Variants in WTIP observed in about 807,000 individuals in gnomAD.
WTIP encodes Wilms tumor protein 1-interacting protein.
WTIP carries 23 observed loss-of-function variants against 41.7 expected under a neutral mutation model. The ratio of observed to expected loss-of-function variants is 0.55; its 90% CI spans 0.40 to 0.78. The LOEUF is 0.78. Ranked by LOEUF, WTIP falls within the 30% of genes least tolerant of loss-of-function variation. WTIP has a pLI of 0.00. For synonymous variants in WTIP, 314 were observed against 269.9 expected (o/e 1.16, Z -1.60); for missense variants, 619 against 610.5 (o/e 1.01, Z -0.15).
chr19:34,500,101 T>G (rs2145611394), intron 7 of WTIP, 28 bp from the exon 8 acceptor site: 1 of 1,596,504 alleles, frequency 6.3e-7, no homozygotes, highest in Non-Finnish European at 8.5e-7. Context: ...CTGCTGACTC[T>G]GGGGCTGGGG....
rs1344371279 is a variant in WTIP, at chr19:34,511,853, T to G, written c.*11584T>G. On this transcript the variant is annotated 3_prime_UTR_variant, in exon 8 of 8. Transcript: ENST00000590071. The stretch of plus-strand genomic sequence containing the variant: ...AGTTTACTAGTTTGGGATTGAATAT[T>G]CTTACACATTTATTTGGTGAAGAAC... 6.6e-6 allele frequency: 1 copy of G among 152,236 alleles called. No homozygotes were observed. The highest frequency in any genetic ancestry group is 1.5e-5 in the Non-Finnish European group (1 of 68,038). 9.4% of individuals were successfully genotyped at this position (152,236 alleles called of 1,614,324 possible).
rs1036364255 is a variant in WTIP, at chr19:34,511,453, T to A, written c.*11184T>A. Reference sequence around the variant, plus strand: ...GGTGGGGACACAGAGCCAAACCGTATCAGACCCCGTCTCTACAAAAACAAA... The same window carrying A: ...GGTGGGGACACAGAGCCAAACCGTAACAGACCCCGTCTCTACAAAAACAAA... On this transcript the variant is annotated 3_prime_UTR_variant, in exon 8 of 8. Coordinates refer to ENST00000590071, the MANE Select transcript of WTIP (RefSeq NM_001080436.2). 4 of 151,692 alleles carry A rather than the reference T, an allele frequency of 2.6e-5. No individual in the cohort carries two copies. The highest frequency in any genetic ancestry group is 9.7e-5 in the African/African-American group (4 of 41,094). 9.4% of individuals were successfully genotyped at this position (151,692 alleles called of 1,614,324 possible). A position where few individuals can be genotyped will look rare whatever the true frequency, so the allele number is the denominator to read the frequency against.
chr19:34,505,784 G>A lies in WTIP; in HGVS notation c.*5515G>A, dbSNP rs1188044812. ...GCCATCCCTGATAGTGATCAGCCCT[G>A]CTGAGGAAGGGTTAGGGTGGGCTGC... On this transcript the variant is annotated 3_prime_UTR_variant, in exon 8 of 8. Transcript: ENST00000590071. 1.3e-5 allele frequency: 2 copies of A among 152,472 alleles called. No individual in the cohort carries two copies. Among genetic ancestry groups the A allele is most frequent in the Non-Finnish European group, 2.9e-5 (2 of 68,242 alleles). 9.4% of individuals were successfully genotyped at this position (152,472 alleles called of 1,614,324 possible). A position where few individuals can be genotyped will look rare whatever the true frequency, so the allele number is the denominator to read the frequency against.
rs914421516 is a variant in WTIP, at chr19:34,481,970, G to C, written c.-5G>C. 3.0e-6 allele frequency: 3 copies of C among 1,004,086 alleles called. No homozygotes were observed. The highest frequency in any genetic ancestry group is 9.0e-5 in the South Asian group (2 of 22,318). The allele number at this position is 1,004,086 out of a possible 1,614,324, so 62.2% of individuals were successfully genotyped here. A position where few individuals can be genotyped will look rare whatever the true frequency, so the allele number is the denominator to read the frequency against. ...GGTGACGCGCCAGGGCCGGCGGGCC[G>C]GGCCATGCAGCGCTCCAGGGCGGGC... On this transcript the variant is annotated 5_prime_UTR_variant, in exon 1 of 8. Coordinates refer to ENST00000590071, the MANE Select transcript of WTIP (RefSeq NM_001080436.2).
At chr19:34,495,831 C>T (rs2075850230) in intron 7 of WTIP, 60 bp downstream of exon 7, 5 of 1,556,416 alleles carry the variant, frequency 3.2e-6, no homozygotes, top group South Asian at 2.2e-5. Context: ...CAGGGCTCTC[C>T]TCTCTGGGTG....
intron 1 of WTIP, among the ~76,000 whole-genome samples, chr19:34,488,619 G>A (rs1172636227): frequency 6.6e-6 from 1 of 151,958 alleles, no homozygotes; most frequent in Non-Finnish European, 1.5e-5. Context: ...CTCCCACTTC[G>A]GCCTCCCAAA....
At chr19:34,484,238 TGAG>T (rs1263143396) in intron 1 of WTIP, among the ~76,000 whole-genome samples, 2 of 152,036 alleles carry the variant, frequency 1.3e-5, no homozygotes, top group Non-Finnish European at 2.9e-5. Context: ...AACTGGATCT[TGAG>T]GGGTGAGGAG....
Position 34,493,531 on chromosome 19 carries a change from T to C in WTIP, c.940T>C (p.Phe314Leu), listed in dbSNP as rs756456560. 20 of 1,613,590 alleles carry C rather than the reference T, an allele frequency of 1.2e-5. No individual in the cohort carries two copies. The highest frequency in any genetic ancestry group is 1.6e-5 in the Non-Finnish European group (19 of 1,179,880). ...ALGKSYHPGCFRCSVCNECLD... is the reference protein window; with the variant it reads ...ALGKSYHPGCLRCSVCNECLD... ...GGGCAAGTCCTACCACCCAGGCTGCTTCCGGTGCTCCGTGTGCAATGAGTG... is the reference window on the plus strand; with the variant it reads ...GGGCAAGTCCTACCACCCAGGCTGCCTCCGGTGCTCCGTGTGCAATGAGTG... The change falls in exon 5 of 8, where the codon TTC (phenylalanine) becomes CTC (leucine). Residue 314 changes from phenylalanine to leucine, a missense_variant. By Grantham distance (22) the Phe-to-Leu change is conservative. This residue lies in a region of WTIP where 164 missense variants were observed against 219.1 expected (regional missense o/e 0.75). Transcript: ENST00000590071. This position sits in a 1 kb window ranked among gnomAD's most constrained non-coding sequence, Gnocchi z 4.1.
Position 34,500,294 on chromosome 19 carries a change from C to T in WTIP, c.*25C>T, listed in dbSNP as rs760920883. ...AGCAGGGGAAAACCCGTCCCTGGGC[C>T]GGGGTGGGTGTGGGTGTGGAGGGAG... On this transcript the variant is annotated 3_prime_UTR_variant, in exon 8 of 8. Transcript: ENST00000590071. 5 of 1,549,240 alleles carry T rather than the reference C, an allele frequency of 3.2e-6. No individual in the cohort carries two copies. The highest frequency in any genetic ancestry group is 4.4e-6 in the Non-Finnish European group (5 of 1,147,782).
chr19:34,490,321 G>T, intron 1 of WTIP, 55 bp from the exon 2 acceptor site: 1 of 1,551,692 alleles, frequency 6.4e-7, no homozygotes, highest in Non-Finnish European at 8.9e-7. Flanking sequence ...GAGTCCGTCG[G>T]TGTGGCATAG....
intron 1 of WTIP, among the ~76,000 whole-genome samples, chr19:34,483,630 CCTG>C (rs1044875993): frequency 6.6e-6 from 1 of 152,244 alleles, no homozygotes; most frequent in African/African-American, 2.4e-5. Context: ...CTAAAGGAAT[CCTG>C]CTGCAGGTGC....
At position 34,493,094 on chromosome 19, in the gene WTIP, A is replaced by T. The variant is rs375205017; in HGVS notation, c.827A>T (p.Glu276Val). 1.4e-5 allele frequency: 23 copies of T among 1,613,780 alleles called. No homozygotes were observed. Among genetic ancestry groups the T allele is most frequent in the Non-Finnish European group, 1.9e-5 (22 of 1,179,874 alleles). ...GTGGGTGAGAAAGTGTACTGCCAGG[A>T]GGACTTCCTGGTGAGTCCAAGCTGT... ...YNVGEKVYCQ[E>V]DFLYSGFQQT... Residue 276 changes from glutamate (E) to valine (V), a missense_variant, in exon 3 of 8, where the codon GAG (glutamate) becomes GTG (valine). Transcript: ENST00000590071. The surrounding 1 kb of genome is among the most constrained non-coding windows in gnomAD (Gnocchi z 4.1).
rs553111949 is a variant in WTIP, at chr19:34,512,068, C to T, written c.*11799C>T. The T allele has an allele frequency of 6.6e-6, 1 of 152,202 alleles. No homozygotes were observed. The highest frequency in any genetic ancestry group is 1.9e-4 in the East Asian group (1 of 5,168). The allele number at this position is 152,202 out of a possible 1,614,324, so 9.4% of individuals were successfully genotyped here. On this transcript the variant is annotated 3_prime_UTR_variant, in exon 8 of 8. Transcript: ENST00000590071. ...GTAAAGCTTTATGGATTAGGGTCTT[C>T]AGAAGCCTTACTTGTTTTTCTGGCT...
At chr19:34,487,987 T>G (rs897349052) in intron 1 of WTIP, among the ~76,000 whole-genome samples, 2 of 152,200 alleles carry the variant, frequency 1.3e-5, no homozygotes, top group African/African-American at 2.4e-5. Context: ...CCTTCCCCGC[T>G]GCATGCTGAG....
At chr19:34,488,919 C>T (rs1189258141) in intron 1 of WTIP, among the ~76,000 whole-genome samples, 1 of 144,860 alleles carries the variant, frequency 6.9e-6, no homozygotes, top group Non-Finnish European at 1.5e-5. Context: ...AAAAAAAGGC[C>T]GGGAGCAGTG....
intron 1 of WTIP, among the ~76,000 whole-genome samples, chr19:34,488,624 C>T (rs1451956215): frequency 1.3e-5 from 2 of 152,100 alleles, no homozygotes; most frequent in African/African-American, 2.4e-5. Context: ...ACTTCGGCCT[C>T]CCAAAGTGCT....
In WTIP at chr19:34,495,722, G is replaced by A. The variant is rs372343362; in HGVS notation, c.1103G>A (p.Arg368His). The A allele has an allele frequency of 4.6e-5, 75 of 1,613,980 alleles. No homozygotes were observed. The highest frequency in any genetic ancestry group is 2.8e-4 in the African/African-American group (21 of 75,052). The change falls in exon 7 of 8, where the codon CGT (arginine) becomes CAT (histidine). Residue 368 changes from arginine to histidine, a missense_variant. Physicochemically the swap from Arg to His is conservative, Grantham distance 29. Coordinates refer to ENST00000590071, the MANE Select transcript of WTIP (RefSeq NM_001080436.2). ...LPAQGCETTI[R>H]VVSMDRDYHV... Reference sequence around the variant, plus strand: ...CTCCAGGGCTGCGAGACAACCATCCGTGTGGTGTCCATGGACAGAGACTAC... The same window carrying A: ...CTCCAGGGCTGCGAGACAACCATCCATGTGGTGTCCATGGACAGAGACTAC...
chr19:34,483,832 C>T (rs2075783364), intron 1 of WTIP, among the ~76,000 whole-genome samples: 1 of 151,758 alleles, frequency 6.6e-6, no homozygotes, highest in Non-Finnish European at 1.5e-5. Flanking sequence ...TGGATGGTCA[C>T]CATGCCTGGG....
intron 6 of WTIP, among the ~76,000 whole-genome samples, chr19:34,495,336 G>T (rs143769901): frequency 6.6e-6 from 1 of 152,100 alleles, no homozygotes; most frequent in Non-Finnish European, 1.5e-5. Flanking sequence ...GTTTGAGGCC[G>T]CAGTGAGCTG....
Sources: gnomAD v4.1 joint callset for allele counts (sites outside exome capture counted in the v4.1 genomes callset) on GRCh38, gnomAD v4.1.1 for gene constraint, gnomAD v4.1.1 regional missense constraint, Gnocchi (gnomAD v3.1) non-coding constraint, MANE v1.5 for transcripts, NCBI Gene and HGNC (gene_info 2026-07-23, HGNC 2026-07-21) for gene names.